The following GALNT13 variants were observed in gnomAD, a reference collection of about 807,000 sequenced individuals.
GALNT13 encodes polypeptide N-acetylgalactosaminyltransferase 13.
GALNT13 carries 28 observed loss-of-function variants against 64.2 expected under a neutral mutation model. That is an observed-to-expected ratio of 0.44 (90% CI 0.32 to 0.60). The LOEUF is 0.60. Ranked by LOEUF, GALNT13 falls within the 20% of genes least tolerant of loss-of-function variation. The pLI is 0.05. For missense variants in GALNT13, 577 were observed against 669.8 expected, an observed-to-expected ratio of 0.86 and a Z score of 1.53; for synonymous variants, 214 against 224.6, an observed-to-expected ratio of 0.95 and a Z score of 0.42.
At chr2:154,183,562 A>G (rs1329410985) in intron 4 of GALNT13, among the ~76,000 whole-genome samples, 3 of 152,056 alleles carry the variant, frequency 2.0e-5, no homozygotes, top group Admixed American at 6.6e-5. Flanking sequence ...AAATAAAAAC[A>G]TTAGCTGGGT....
chr2:153,507,451 T>G, the GALNT13 span, among the ~76,000 whole-genome samples: 1 of 151,960 alleles, frequency 6.6e-6, no homozygotes. Context: ...CAGCTAAGTT[T>G]TGTATTTTTA....
At chr2:153,271,183 G>A in the GALNT13 span, among the ~76,000 whole-genome samples, 4 of 152,112 alleles carry the variant, frequency 2.6e-5, no homozygotes, top group Non-Finnish European at 4.4e-5. Flanking sequence ...GGCAAAAGCT[G>A]GAAGAATTCC....
intron 2 of GALNT13, among the ~76,000 whole-genome samples, chr2:153,932,241 T>C (rs1690580122): frequency 1.3e-5 from 2 of 152,164 alleles, no homozygotes; most frequent in South Asian, 2.1e-4. Context: ...AACCAACTTT[T>C]GGCTTCATTG....
chr2:154,284,300 ACTTTCT>A (rs1268801142), intron 8 of GALNT13, among the ~76,000 whole-genome samples: 1 of 152,088 alleles, frequency 6.6e-6, no homozygotes, highest in African/African-American at 2.4e-5. Flanking sequence ...CCTGTAATCT[ACTTTCT>A]CTTTCTATGA....
rs1695199228 is a variant in GALNT13, at chr2:153,992,142, T to A, written c.142+47503T>A. Among the ~76,000 whole-genome samples, 6 of 152,206 alleles carry A rather than the reference T, an allele frequency of 3.9e-5. No homozygotes were observed. The South Asian group carries it at 1.2e-3, about 31-fold the overall frequency. On this transcript the variant is annotated intron_variant, in intron 3 of 12. Transcript: ENST00000392825. ...GTGACTTACCATTGTTATGTTTTTA[T>A]GTTATGTTTTCAATCCGTAAGTTCT...
intron 4 of GALNT13, among the ~76,000 whole-genome samples, chr2:154,211,437 A>T (rs1337509167): frequency 6.6e-6 from 1 of 151,466 alleles, no homozygotes; most frequent in Non-Finnish European, 1.5e-5. Context: ...GACCAGCCTG[A>T]CCAACATGGA....
the GALNT13 span, among the ~76,000 whole-genome samples, chr2:153,855,791 C>T: frequency 5.9e-5 from 9 of 152,028 alleles, no homozygotes; most frequent in East Asian, 3.9e-4. Flanking sequence ...AGTGAATGTT[C>T]GTAGCAGCAT....
chr2:153,220,852 A>T, the GALNT13 span, among the ~76,000 whole-genome samples: 2 of 152,252 alleles, frequency 1.3e-5, no homozygotes, highest in Non-Finnish European at 1.5e-5. Context: ...ATCCAGCTAT[A>T]TCAATGATCA....
the GALNT13 span, among the ~76,000 whole-genome samples, chr2:153,507,333 G>A: frequency 6.6e-6 from 1 of 151,926 alleles, no homozygotes; most frequent in African/African-American, 2.4e-5. Context: ...CCAGGCTGGA[G>A]TGCAGTGTGC....
At chr2:153,847,073 T>C in the GALNT13 span, among the ~76,000 whole-genome samples, 90 of 151,898 alleles carry the variant, frequency 5.9e-4, no homozygotes, top group African/African-American at 2.0e-3. Flanking sequence ...TAAAAACTAA[T>C]GAAAAAAGCC....
At chr2:153,431,045 G>C in the GALNT13 span, among the ~76,000 whole-genome samples, 1 of 151,626 alleles carries the variant, frequency 6.6e-6, no homozygotes, top group Admixed American at 6.6e-5. Flanking sequence ...AGCTACTCTA[G>C]AGGCTGAGGC....
chr2:153,244,339 A>C, the GALNT13 span, among the ~76,000 whole-genome samples: 9 of 79,938 alleles, frequency 1.1e-4, no homozygotes, highest in Non-Finnish European at 4.0e-5. Context: ...ATCAAATTAT[A>C]AATTGTGTTT....
At chr2:153,432,024 T>G in the GALNT13 span, among the ~76,000 whole-genome samples, 2 of 152,244 alleles carry the variant, frequency 1.3e-5, no homozygotes, top group African/African-American at 4.8e-5. Context: ...TTTTTCTTCT[T>G]GTATAACATC....
intron 8 of GALNT13, among the ~76,000 whole-genome samples, chr2:154,285,385 A>C (rs1692206537): frequency 6.6e-6 from 1 of 152,012 alleles, no homozygotes; most frequent in South Asian, 2.1e-4. Flanking sequence ...ATCCAATTTG[A>C]GTTGATGTTT....
the GALNT13 span, among the ~76,000 whole-genome samples, chr2:153,213,671 C>T: frequency 6.6e-6 from 1 of 152,172 alleles, no homozygotes; most frequent in Non-Finnish European, 1.5e-5. Flanking sequence ...GCTCCAGTCC[C>T]AGCTCTGTTA....
intron 9 of GALNT13, among the ~76,000 whole-genome samples, chr2:154,364,637 CTTTTGTTGTTTTG>C (rs1460006257): frequency 7.0e-6 from 1 of 142,586 alleles, no homozygotes; most frequent in African/African-American, 2.6e-5. Context: ...TTATCCTTCA[CTTTTGTTGTTTTG>C]TTTTGTTTTG....
At chr2:153,104,371 C>G in the GALNT13 span, among the ~76,000 whole-genome samples, 1 of 152,150 alleles carries the variant, frequency 6.6e-6, no homozygotes, top group African/African-American at 2.4e-5. Context: ...TAGATGCTAC[C>G]ACTTAAAAAT....
At chr2:153,682,418 C>A in the GALNT13 span, among the ~76,000 whole-genome samples, 1 of 151,670 alleles carries the variant, frequency 6.6e-6, no homozygotes, top group Non-Finnish European at 1.5e-5. Flanking sequence ...CTTACAGAAG[C>A]CTTTCTTCTT....
At chr2:153,122,330 T>C in the GALNT13 span, among the ~76,000 whole-genome samples, 4 of 152,138 alleles carry the variant, frequency 2.6e-5, no homozygotes, top group South Asian at 8.3e-4. Flanking sequence ...CAAATTTTTG[T>C]TGCTATTTTT....
Sources: gnomAD v4.1 joint callset for allele counts (sites outside exome capture counted in the v4.1 genomes callset) on GRCh38, gnomAD v4.1.1 for gene constraint, MANE v1.5 for transcripts, NCBI Gene and HGNC (gene_info 2026-07-23, HGNC 2026-07-21) for gene names.